ABHD17C: variants seen among roughly 807,000 people sequenced by gnomAD.
The protein encoded by ABHD17C is abhydrolase domain containing 17C, depalmitoylase.
ABHD17C carries 11 observed loss-of-function variants against 27.9 expected under a neutral mutation model. The ratio of observed to expected loss-of-function variants is 0.39; its 90% CI spans 0.25 to 0.65. The LOEUF (loss-of-function observed/expected upper bound fraction) is 0.65. Ranked by LOEUF, ABHD17C falls within the 30% of genes least tolerant of loss-of-function variation. The pLI is 0.45. For synonymous variants in ABHD17C, 233 were observed against 209.1 expected (o/e 1.11, Z -0.98); for missense variants, 280 against 470.2 (o/e 0.60, Z 3.74).
intron 1 of ABHD17C, among the ~76,000 whole-genome samples, chr15:80,707,479 C>G (rs1894662809): frequency 6.6e-6 from 1 of 152,032 alleles, no homozygotes; most frequent in South Asian, 2.1e-4. Context: ...GCTGTCCAAT[C>G]TTTTGGCTTC....
At chr15:80,734,033 G>A (rs997194844) in intron 1 of ABHD17C, among the ~76,000 whole-genome samples, 2 of 151,888 alleles carry the variant, frequency 1.3e-5, no homozygotes, top group African/African-American at 4.8e-5. Context: ...CACCCAGGCT[G>A]GAGTACAGTG....
At chr15:80,741,557 C>T (rs983229565) in intron 1 of ABHD17C, among the ~76,000 whole-genome samples, 2 of 151,936 alleles carry the variant, frequency 1.3e-5, no homozygotes, top group African/African-American at 4.8e-5. Context: ...TAGATCTTAC[C>T]AACTTCAGCA....
chr15:80,746,763 T>A (rs1895291883), intron 1 of ABHD17C, among the ~76,000 whole-genome samples: 1 of 152,208 alleles, frequency 6.6e-6, no homozygotes, highest in Non-Finnish European at 1.5e-5. Context: ...GGGCTGTGCC[T>A]CTTGGGTCGG....
intron 1 of ABHD17C, among the ~76,000 whole-genome samples, chr15:80,703,683 C>A (rs552186710): frequency 6.6e-6 from 1 of 152,256 alleles, no homozygotes; most frequent in East Asian, 1.9e-4. Context: ...TTGAGACACA[C>A]TAGCCTAGAA....
chr15:80,704,033 C>CA (rs1894609628), intron 1 of ABHD17C, among the ~76,000 whole-genome samples: 2 of 152,188 alleles, frequency 1.3e-5, no homozygotes, highest in Admixed American at 1.3e-4. Flanking sequence ...TTCTCTCTCA[C>CA]AGAGTATCTT....
intron 1 of ABHD17C, among the ~76,000 whole-genome samples, chr15:80,708,484 T>A (rs1805186024): frequency 6.6e-6 from 1 of 152,124 alleles, no homozygotes; most frequent in Non-Finnish European, 1.5e-5. Context: ...CCCAGCTAAT[T>A]TTTGTATTTT....
Position 80,735,935 on chromosome 15 carries a change from A to G in ABHD17C, c.591-13578A>G, listed in dbSNP as rs573102813. Among the ~76,000 whole-genome samples, 6 of 152,304 alleles carry G rather than the reference A, an allele frequency of 3.9e-5. No homozygotes were observed. In the South Asian group the frequency reaches 1.2e-3, roughly 32 times the overall value. On this transcript the variant is annotated intron_variant, in intron 1 of 2. Transcript: ENST00000258884. ...CATCCAGTGTTACTTGAAGGGACTG[A>G]GCCTACTTTTAATGCTGTATTTGGT... is the stretch of plus-strand genomic sequence containing the variant.
intron 1 of ABHD17C, among the ~76,000 whole-genome samples, chr15:80,749,297 G>A (rs897964392): frequency 4.6e-5 from 7 of 152,108 alleles, no homozygotes; most frequent in African/African-American, 1.7e-4. Flanking sequence ...CAAATGTTGT[G>A]GAAGGCAGAA....
In ABHD17C at chr15:80,749,644, T is replaced by C; in HGVS notation, c.722T>C (p.Val241Ala). ...LHSPLMSGLR[V>A]AFPDTRKTYC... The stretch of plus-strand genomic sequence containing the variant: ...TCCCCTCTGATGTCTGGTTTGCGTG[T>C]GGCTTTTCCGGATACCAGGAAAACA... Residue 241 changes from valine to alanine, a missense_variant, in exon 2 of 3, where the codon GTG (valine) becomes GCG (alanine). Val to Ala is a moderately conservative substitution (Grantham distance 64). Around this residue, in one of 2 missense-constraint regions of ABHD17C, gnomAD observed 206 missense variants for 394.7 expected, o/e 0.52. Coordinates refer to ENST00000258884, the MANE Select transcript of ABHD17C (RefSeq NM_021214.2). The C allele has an allele frequency of 6.2e-7, 1 of 1,614,028 alleles. No individual in the cohort carries two copies. The highest frequency in any genetic ancestry group is 8.5e-7 in the Non-Finnish European group (1 of 1,179,878).
At chr15:80,741,836 G>A (rs1490488727) in intron 1 of ABHD17C, among the ~76,000 whole-genome samples, 1 of 152,104 alleles carries the variant, frequency 6.6e-6, no homozygotes, top group Non-Finnish European at 1.5e-5. Context: ...TGGAGCCCCC[G>A]TGAAGTAAAA....
Position 80,752,776 on chromosome 15 carries a change from G to A in ABHD17C, c.771-1375G>A, listed in dbSNP as rs1242121367. ...GAGAGCCATTTCTCTTGATTTATTT[G>A]TGGATGAAATGACTGTTATCCCGAT... is the stretch of plus-strand genomic sequence containing the variant. On this transcript the variant is annotated intron_variant, in intron 2 of 2. Transcript: ENST00000258884. 3.3e-5 allele frequency among the ~76,000 whole-genome samples: 5 copies of A among 152,196 alleles called. No individual in the cohort carries two copies. In the East Asian group the frequency reaches 7.7e-4, roughly 23 times the overall value.
intron 1 of ABHD17C, among the ~76,000 whole-genome samples, chr15:80,721,657 T>C (rs1316585334): frequency 6.6e-6 from 1 of 152,228 alleles, no homozygotes; most frequent in Non-Finnish European, 1.5e-5. Context: ...GTCATTGTCG[T>C]CACTTTTGTT....
intron 1 of ABHD17C, among the ~76,000 whole-genome samples, chr15:80,723,690 T>C (rs1388046563): frequency 6.6e-6 from 1 of 152,202 alleles, no homozygotes. Flanking sequence ...TTGTCTCTGT[T>C]CAGGCACAAC....
intron 1 of ABHD17C, among the ~76,000 whole-genome samples, chr15:80,722,939 C>G (rs934521640): frequency 1.3e-5 from 2 of 152,210 alleles, no homozygotes; most frequent in African/African-American, 4.8e-5. Flanking sequence ...TTCGCATCTA[C>G]AGATTCAACC....
intron 1 of ABHD17C, among the ~76,000 whole-genome samples, chr15:80,706,554 A>T (rs1290011497): frequency 1.3e-5 from 2 of 152,170 alleles, no homozygotes; most frequent in Non-Finnish European, 2.9e-5. Context: ...TTGGGGGAAA[A>T]ATGTAAAGGA....
intron 2 of ABHD17C, among the ~76,000 whole-genome samples, chr15:80,753,229 A>G (rs7177284): frequency 0.11 from 16,477 of 151,946 alleles, 1,179 homozygotes; most frequent in East Asian, 0.29. Flanking sequence ...TATAAAGATA[A>G]TATATAAAAA....
chr15:80,727,431 G>C (rs1390054274), intron 1 of ABHD17C, among the ~76,000 whole-genome samples: 1 of 152,202 alleles, frequency 6.6e-6, no homozygotes, highest in Non-Finnish European at 1.5e-5. Context: ...CGCTAGCCTT[G>C]CTATCCTAGA....
At chr15:80,745,366 G>A (rs1030896275) in intron 1 of ABHD17C, among the ~76,000 whole-genome samples, 5 of 151,114 alleles carry the variant, frequency 3.3e-5, no homozygotes, top group African/African-American at 1.2e-4. Context: ...GTGTTCTGCT[G>A]TATCTGCCTC....
chr15:80,752,132 T>A (rs1468827793), intron 2 of ABHD17C, among the ~76,000 whole-genome samples: 1 of 152,254 alleles, frequency 6.6e-6, no homozygotes, highest in Non-Finnish European at 1.5e-5. Context: ...TCTCCTAAAC[T>A]GTGCAGCGTG....
Sources: allele counts gnomAD v4.1 joint callset (sites outside exome capture counted in the v4.1 genomes callset), GRCh38; gene constraint gnomAD v4.1.1; regional missense constraint gnomAD v4.1.1; transcripts MANE v1.5; gene names NCBI Gene and HGNC (gene_info 2026-07-23, HGNC 2026-07-21).